Variants in ALG13 observed in about 807,000 individuals in gnomAD.
ALG13 encodes ALG13 UDP-N-acetylglucosaminyltransferase subunit.
ALG13 carries 11 observed loss-of-function variants against 87.8 expected under a neutral mutation model. That is an observed-to-expected ratio of 0.13 (90% CI 0.08 to 0.21). ALG13 has a LOEUF of 0.21. Among genes scored for constraint, ALG13 ranks in the 10% least tolerant of loss-of-function variants. ALG13 has a pLI of 1.00. For missense variants in ALG13, 756 were observed against 866.1 expected (o/e 0.87, Z 1.60); for synonymous variants, 320 against 306.3 (o/e 1.04, Z -0.47).
At chrX:111,738,798 A>G (rs1943480285) in intron 23 of ALG13, among the ~76,000 whole-genome samples, 1 of 108,416 alleles carries the variant, frequency 9.2e-6, no homozygotes, top group South Asian at 4.1e-4. Flanking sequence ...CAGCCTCCCA[A>G]AGTGCTGGGA....
chrX:111,726,983 A>C lies in ALG13; in HGVS notation c.1904A>C (p.Asn635Thr). The change falls in exon 16 of 27, where the codon AAT becomes ACT. Residue 635 changes from asparagine (N) to threonine (T), a missense_variant. Coordinates refer to ENST00000394780, the MANE Select transcript of ALG13 (RefSeq NM_001099922.3). ...PPMHYSQTAGNVMSNEHFHPQ... is the reference protein window; with the variant it reads ...PPMHYSQTAGTVMSNEHFHPQ... ...ATGCACTACTCACAGACAGCTGGCA[A>C]TGTTATGTCTAATGAACATTTTCAT... 3 of 1,211,492 alleles carry C rather than the reference A, an allele frequency of 2.5e-6. No individual in the cohort carries two copies. The highest frequency in any genetic ancestry group is 3.4e-6 in the Non-Finnish European group (3 of 895,224).
intron 25 of ALG13, 174 bp downstream of exon 25, chrX:111,753,004 G>A: frequency 2.6e-6 from 1 of 385,866 alleles, no homozygotes; most frequent in Non-Finnish European, 4.5e-6. Context: ...TAGCCTCCCA[G>A]TGCTTTAGTT....
intron 25 of ALG13, among the ~76,000 whole-genome samples, chrX:111,754,828 G>A (rs768682655): frequency 2.2e-4 from 25 of 112,024 alleles, no homozygotes; most frequent in Non-Finnish European, 3.9e-4. Flanking sequence ...TCAATATCAT[G>A]AAAATGGCCA....
intron 5 of ALG13, among the ~76,000 whole-genome samples, chrX:111,709,762 G>A (rs1030806018): frequency 4.6e-5 from 5 of 108,578 alleles, no homozygotes; most frequent in Non-Finnish European, 9.5e-5. Flanking sequence ...TTCGCCTGCT[G>A]TTCGAGTTTT....
intron 4 of ALG13, 60 bp downstream of exon 4, chrX:111,708,453 C>A: frequency 8.8e-7 from 1 of 1,135,165 alleles, no homozygotes; most frequent in African/African-American, 1.8e-5. Context: ...ATGGGATGGT[C>A]CTGTAGTTTG....
intron 3 of ALG13, chrX:111,688,977 C>T: frequency 5.4e-6 from 4 of 743,090 alleles, no homozygotes; most frequent in Non-Finnish European, 6.4e-6. Context: ...AAAGACCTCT[C>T]TTCCATTCCA....
intron 3 of ALG13, among the ~76,000 whole-genome samples, chrX:111,700,038 G>GTTTTTTTTTTTTTTTTTTGTT (rs779900750): frequency 2.5e-5 from 2 of 78,757 alleles, no homozygotes; most frequent in Non-Finnish European, 5.0e-5. Flanking sequence ...TTATTTGTGG[G>GTTTTTTTTTTTTTTTTTTGTT]TTTTTTTTTT....
chrX:111,728,287 A>T lies in ALG13; in HGVS notation c.2350A>T (p.Asn784Tyr), dbSNP rs1425459342. The T allele has an allele frequency of 3.3e-6, 4 of 1,211,654 alleles. No homozygotes were observed. Among genetic ancestry groups the T allele is most frequent in the Non-Finnish European group, 4.5e-6 (4 of 895,358 alleles). ...ACAGACTTTGAATTTAGAGGAGGGC[A>T]ATGGCCAGAGTGAAAATGGTGAGTC... The part of the protein sequence containing the change: ...GKQTLNLEEG[N>Y]GQSENGRYHE... Residue 784 changes from asparagine (N) to tyrosine (Y), a missense_variant, in exon 19 of 27, where the codon AAT becomes TAT. Asn to Tyr is a moderately radical substitution (Grantham distance 143). Transcript: ENST00000394780.
chrX:111,722,090 A>C (rs773118362), intron 12 of ALG13, among the ~76,000 whole-genome samples: 2 of 112,123 alleles, frequency 1.8e-5, no homozygotes, highest in Non-Finnish European at 3.8e-5. Context: ...TATGTGGTCT[A>C]TGAGCTAAGA....
chrX:111,712,578 G>T, intron 7 of ALG13, 48 bp downstream of exon 7: 1 of 785,681 alleles, frequency 1.3e-6, no homozygotes, highest in Non-Finnish European at 1.8e-6. Flanking sequence ...GCATGCATGT[G>T]TGTATAAGAT....
chrX:111,732,159 T>G (rs1942768529), intron 21 of ALG13, among the ~76,000 whole-genome samples: 1 of 111,857 alleles, frequency 8.9e-6, no homozygotes, highest in African/African-American at 3.3e-5. Flanking sequence ...TACATACACC[T>G]GTCTTAAAAT....
chrX:111,681,585 C>T, intron 1 of ALG13: 4 of 950,462 alleles, frequency 4.2e-6, no homozygotes, highest in Non-Finnish European at 5.3e-6. Context: ...CTCTATTCTC[C>T]GCCTCCGCGT....
At chrX:111,700,028 T>A (rs1003311251) in intron 3 of ALG13, among the ~76,000 whole-genome samples, 8 of 104,404 alleles carry the variant, frequency 7.7e-5, no homozygotes, top group Non-Finnish European at 1.6e-4. Context: ...ATTGTTCCGT[T>A]TATTTGTGGG....
At chrX:111,748,042 T>C (rs1944399854) in intron 24 of ALG13, among the ~76,000 whole-genome samples, 1 of 112,298 alleles carries the variant, frequency 8.9e-6, no homozygotes, top group Non-Finnish European at 1.9e-5. Context: ...ATTTCCCTTA[T>C]GAAATCCGAC....
At position 111,727,009 on chromosome X, in the gene ALG13, C is replaced by G. The variant is rs759934702; in HGVS notation, c.1930C>G (p.Pro644Ala). 5.0e-6 allele frequency: 6 copies of G among 1,211,079 alleles called. No individual in the cohort carries two copies. Among genetic ancestry groups the G allele is most frequent in the Non-Finnish European group, 6.7e-6 (6 of 895,058 alleles). The stretch of plus-strand genomic sequence containing the variant: ...TGTTATGTCTAATGAACATTTTCAT[C>G]CTCAGCATCCATCTCCGAGACAAGG... ...GNVMSNEHFHPQHPSPRQGRG... is the reference protein window; with the variant it reads ...GNVMSNEHFHAQHPSPRQGRG... Residue 644 changes from proline (P) to alanine (A), a missense_variant, in exon 16 of 27, where the codon CCT (proline) becomes GCT (alanine). Coordinates refer to ENST00000394780, the MANE Select transcript of ALG13 (RefSeq NM_001099922.3).
At position 111,752,847 on chromosome X, in the gene ALG13, A is replaced by C; in HGVS notation, c.2973+17A>C. 8.6e-7 allele frequency: 1 copy of C among 1,165,972 alleles called. No homozygotes were observed. The highest frequency in any genetic ancestry group is 1.2e-6 in the Non-Finnish European group (1 of 859,986). On this transcript the variant is annotated intron_variant, in intron 25 of 26. Coordinates refer to ENST00000394780, the MANE Select transcript of ALG13 (RefSeq NM_001099922.3). ...GGATTGCAGGTAAGTGCCATGTTAAAATTTCTTTGATAAGCCCTATTTTCA... is the reference window on the plus strand; with the variant it reads ...GGATTGCAGGTAAGTGCCATGTTAACATTTCTTTGATAAGCCCTATTTTCA...
chrX:111,757,509 TGTC>T, intron 25 of ALG13, 76 bp from the exon 26 acceptor site: 1 of 691,399 alleles, frequency 1.4e-6, no homozygotes, highest in Non-Finnish European at 1.9e-6. Context: ...TTTTTTTTTT[TGTC>T]TGTGGGGAAC....
At chrX:111,758,601 AAG>A (rs1945474770) in intron 26 of ALG13, among the ~76,000 whole-genome samples, 1 of 112,115 alleles carries the variant, frequency 8.9e-6, no homozygotes. Flanking sequence ...TCAGTGAAGG[AAG>A]AGTTTCCCAA....
At chrX:111,757,856 T>A in intron 26 of ALG13, 94 bp downstream of exon 26, 1 of 848,567 alleles carries the variant, frequency 1.2e-6, no homozygotes, top group African/African-American at 2.0e-5. Context: ...CAGGTCCATG[T>A]ACTACACCAG....
Sources: gnomAD v4.1 joint callset for allele counts (sites outside exome capture counted in the v4.1 genomes callset) on GRCh38, gnomAD v4.1.1 for gene constraint, MANE v1.5 for transcripts, NCBI Gene and HGNC (gene_info 2026-07-23, HGNC 2026-07-21) for gene names.